Variants in KCNN2 observed in about 807,000 individuals in gnomAD.
KCNN2 encodes the protein potassium calcium-activated channel subfamily N member 2, also known as small conductance calcium-activated potassium channel protein 2.
KCNN2 carries 24 observed loss-of-function variants against 55.5 expected under a neutral mutation model. The ratio of observed to expected loss-of-function variants is 0.43; its 90% CI spans 0.31 to 0.61. The LOEUF (loss-of-function observed/expected upper bound fraction) is 0.61, where lower values mean the gene tolerates loss of function less well. KCNN2 is among the 20% of genes least tolerant of loss of function. The pLI, the probability that KCNN2 is intolerant of heterozygous loss-of-function variation, is 0.08. For missense variants in KCNN2, 754 were observed against 853.6 expected (o/e 0.88, Z 1.45); for synonymous variants, 431 against 336.1 (o/e 1.28, Z -3.09).
chr5:114,273,537 A>G (rs1010605205), intron 2 of KCNN2, among the ~76,000 whole-genome samples: 2 of 152,108 alleles, frequency 1.3e-5, no homozygotes, highest in Non-Finnish European at 2.9e-5. Context: ...CTTTTTAATG[A>G]TTGCCATTCT....
chr5:114,178,523 T>A (rs934843377), intron 1 of KCNN2, among the ~76,000 whole-genome samples: 1 of 152,220 alleles, frequency 6.6e-6, no homozygotes. Flanking sequence ...AAATTCCAGA[T>A]AGAATTACCC....
At chr5:114,282,284 A>G (rs1755639663) in intron 2 of KCNN2, among the ~76,000 whole-genome samples, 1 of 152,086 alleles carries the variant, frequency 6.6e-6, no homozygotes, top group South Asian at 2.1e-4. Flanking sequence ...GAATTATAGC[A>G]AAAAACAAAG....
intron 1 of KCNN2, among the ~76,000 whole-genome samples, chr5:114,163,204 G>T (rs898716492): frequency 6.6e-6 from 1 of 152,150 alleles, no homozygotes; most frequent in East Asian, 1.9e-4. Context: ...AGATAATGGG[G>T]TTTTCTAGAT....
At chr5:114,086,659 C>T (rs1431797709) in intron 1 of KCNN2, among the ~76,000 whole-genome samples, 2 of 152,138 alleles carry the variant, frequency 1.3e-5, no homozygotes, top group African/African-American at 4.8e-5. Flanking sequence ...GTAAGAACCA[C>T]ATTTTCTTTA....
intron 2 of KCNN2, among the ~76,000 whole-genome samples, chr5:114,276,646 T>G (rs549333838): frequency 7.5e-6 from 1 of 133,416 alleles, no homozygotes; most frequent in South Asian, 2.6e-4. Context: ...AGACCAGTAT[T>G]GCAACCCCTG....
At chr5:114,413,622 C>T (rs567303783) in intron 3 of KCNN2, among the ~76,000 whole-genome samples, 95 of 152,220 alleles carry the variant, frequency 6.2e-4, no homozygotes, top group Non-Finnish European at 1.1e-3. Context: ...GGTCTACCTC[C>T]TGAGAGAATA....
chr5:114,493,314 C>T (rs904408940), intron 6 of KCNN2, 89 bp from the exon 7 acceptor site: 6 of 840,404 alleles, frequency 7.1e-6, no homozygotes, highest in Non-Finnish European at 1.3e-5. Context: ...CAGTTATTTG[C>T]TCTTGTCAAT....
intron 1 of KCNN2, among the ~76,000 whole-genome samples, chr5:114,217,462 T>C (rs1254567430): frequency 2.6e-5 from 4 of 152,018 alleles, no homozygotes; most frequent in Middle Eastern, 3.2e-3. Context: ...TGTAGTCAAC[T>C]AAGCAAATAT....
Position 114,166,051 on chromosome 5 carries a change from CTTTT to C in KCNN2, c.-270-55424_-270-55421del, listed in dbSNP as rs112511422. Among the ~76,000 whole-genome samples the C allele has an allele frequency of 3.5e-3, 531 of 151,964 alleles. 3 individuals are homozygous for C. Among genetic ancestry groups the C allele is most frequent in the African/African-American group, 0.012 (517 of 41,472 alleles). ...AAACATTTCTTCTTATGAAACAATT[CTTTT>C]TTTTATTATTATTTTTAGTAGAAAT... On this transcript the variant is annotated intron_variant, in intron 1 of 10. Transcript: ENST00000512097.
intron 2 of KCNN2, among the ~76,000 whole-genome samples, chr5:114,269,496 T>C (rs1326956376): frequency 4.3e-5 from 1 of 23,388 alleles, no homozygotes. Flanking sequence ...GTTCTCACCT[T>C]TTTTTTTTTT....
intron 1 of KCNN2, among the ~76,000 whole-genome samples, chr5:114,126,915 G>A (rs889271813): frequency 6.6e-5 from 10 of 152,136 alleles, no homozygotes; most frequent in Admixed American, 1.3e-4. Flanking sequence ...TTGGCTCCAC[G>A]CAAGTCCAGA....
At chr5:114,464,020 C>A (rs1203588623) in intron 4 of KCNN2, among the ~76,000 whole-genome samples, 1 of 152,098 alleles carries the variant, frequency 6.6e-6, no homozygotes, top group Non-Finnish European at 1.5e-5. Context: ...TGGCATGAGG[C>A]AGGGACAGGA....
At chr5:114,262,496 G>A (rs1039654594) in intron 2 of KCNN2, among the ~76,000 whole-genome samples, 1 of 152,132 alleles carries the variant, frequency 6.6e-6, no homozygotes, top group Non-Finnish European at 1.5e-5. Flanking sequence ...GGGTTCCTGG[G>A]CCAGATTGCC....
intron 6 of KCNN2, among the ~76,000 whole-genome samples, chr5:114,492,579 T>A (rs947090113): frequency 3.3e-5 from 5 of 152,162 alleles, no homozygotes; most frequent in Non-Finnish European, 7.4e-5. Flanking sequence ...AGTTAAAGAA[T>A]AGCAGAGTTC....
intron 3 of KCNN2, among the ~76,000 whole-genome samples, chr5:114,444,392 A>G (rs187015215): frequency 0.013 from 1,835 of 145,890 alleles, 12 homozygotes; most frequent in Middle Eastern, 0.019. Flanking sequence ...GGATTAAGAT[A>G]CAAGAAAAAA....
chr5:114,227,408 C>T (rs1754258272), intron 2 of KCNN2, among the ~76,000 whole-genome samples: 1 of 152,172 alleles, frequency 6.6e-6, no homozygotes, highest in Admixed American at 6.5e-5. Context: ...GTGACTTTCT[C>T]CTTTACTCAT....
rs957215776 is a variant in KCNN2, at chr5:114,098,294, T to G, written c.-271+41794T>G. On this transcript the variant is annotated intron_variant, in intron 1 of 10. Transcript: ENST00000512097. ...GGGAACATTCACAGCTTCTGAGAAT[T>G]AGGACTTGGATTCTTTAGGGACCAT... Among the ~76,000 whole-genome samples the G allele has an allele frequency of 2.3e-4, 35 of 152,060 alleles. 1 individual carries two copies. Among genetic ancestry groups the G allele is most frequent in the Admixed American group, 2.0e-3 (31 of 15,258 alleles).
chr5:114,479,616 T>A (rs796841562), intron 5 of KCNN2, among the ~76,000 whole-genome samples: 73 of 152,096 alleles, frequency 4.8e-4, no homozygotes, highest in African/African-American at 1.6e-3. Flanking sequence ...GTAAAATTGG[T>A]GACATAATCA....
intron 1 of KCNN2, among the ~76,000 whole-genome samples, chr5:114,191,200 G>C (rs1044656867): frequency 3.3e-5 from 5 of 152,078 alleles, no homozygotes; most frequent in Non-Finnish European, 5.9e-5. Flanking sequence ...GTTTTCATAA[G>C]CTTTTGAAGA....
Sources: allele counts gnomAD v4.1 joint callset (sites outside exome capture counted in the v4.1 genomes callset), GRCh38; gene constraint gnomAD v4.1.1; transcripts MANE v1.5; gene names NCBI Gene and HGNC (gene_info 2026-07-23, HGNC 2026-07-21).